Variants in CCDC77 observed in about 807,000 individuals in gnomAD.
CCDC77 encodes the protein coiled-coil domain-containing protein 77.
In CCDC77, 56 loss-of-function variants were observed where a neutral mutation model predicts 66.8. The observed-to-expected ratio is 0.84, with a 90% CI of 0.68 to 1.05. The LOEUF (loss-of-function observed/expected upper bound fraction) is 1.05, where lower values mean the gene tolerates loss of function less well. CCDC77 is among the 50% of genes least tolerant of loss of function. The pLI is 0.00. For missense variants in CCDC77, 570 were observed against 576.8 expected (o/e 0.99, Z 0.12); for synonymous variants, 196 against 195.2 (o/e 1.00, Z -0.03).
At position 416,383 on chromosome 12, in the gene CCDC77, A is replaced by ATGTG. The variant is rs1565569218; in HGVS notation, c.271-2110_271-2109insGTGT. Among the ~76,000 whole-genome samples the ATGTG allele has an allele frequency of 7.0e-4, 17 of 24,160 alleles. 1 individual carries two copies. Among genetic ancestry groups the ATGTG allele is most frequent in the African/African-American group, 3.3e-3 (16 of 4,796 alleles). 15.8% of individuals were successfully genotyped at this position (24,160 alleles called of 152,430 possible). ...TGTGTGTGTGTGTGTGTGTGTATATATATATATATATATATATATATATAT... is the reference window on the plus strand; with the variant it reads ...TGTGTGTGTGTGTGTGTGTGTATATATGTGTATATATATATATATATATATATAT... On this transcript the variant is annotated intron_variant, in intron 4 of 12. Coordinates refer to ENST00000239830, the MANE Select transcript of CCDC77 (RefSeq NM_032358.4).
At chr12:418,396 T>G in intron 4 of CCDC77, 98 bp from the exon 5 acceptor site, 2 of 1,193,382 alleles carry the variant, frequency 1.7e-6, no homozygotes, top group Non-Finnish European at 2.4e-6. Flanking sequence ...TTATTTACTT[T>G]GGAATATTTC....
At chr12:418,977 G>A (rs1945340192) in intron 5 of CCDC77, 1 of 222,142 alleles carries the variant, frequency 4.5e-6, no homozygotes. Flanking sequence ...GGGATTACAA[G>A]CGTGAACCAC....
chr12:432,371 C>G (rs1945670621), intron 8 of CCDC77, among the ~76,000 whole-genome samples: 1 of 152,008 alleles, frequency 6.6e-6, no homozygotes, highest in Non-Finnish European at 1.5e-5. Flanking sequence ...GGTTATGTGT[C>G]ATTTGGAACC....
chr12:437,771 A>C (rs1207821566), intron 9 of CCDC77, among the ~76,000 whole-genome samples: 1 of 151,404 alleles, frequency 6.6e-6, no homozygotes, highest in Non-Finnish European at 1.5e-5. Context: ...GCTTGAGCCC[A>C]GAAGGTCAGG....
chr12:407,484 G>A (rs1326269450), intron 2 of CCDC77, among the ~76,000 whole-genome samples: 12 of 152,274 alleles, frequency 7.9e-5, no homozygotes, highest in African/African-American at 2.9e-4. Flanking sequence ...GCAGTTAGAT[G>A]TGTGAGTCTA....
At chr12:413,487 C>T (rs1241709386) in intron 4 of CCDC77, among the ~76,000 whole-genome samples, 1 of 152,116 alleles carries the variant, frequency 6.6e-6, no homozygotes, top group Non-Finnish European at 1.5e-5. Flanking sequence ...GATCCACCCG[C>T]CTCGGCCTCC....
intron 7 of CCDC77, 116 bp from the exon 8 acceptor site, chr12:431,750 C>G (rs145084730): frequency 7.0e-5 from 45 of 641,114 alleles, no homozygotes; most frequent in African/African-American, 6.6e-4. Context: ...AGAACCCCTT[C>G]ATTACCCTTA....
chr12:418,348 A>G (rs1445669063), intron 4 of CCDC77, 146 bp from the exon 5 acceptor site: 4 of 705,774 alleles, frequency 5.7e-6, no homozygotes, highest in South Asian at 5.5e-5. Context: ...CAGTCTATAC[A>G]TGCCTATTGC....
intron 10 of CCDC77, 39 bp from the exon 11 acceptor site, chr12:440,578 G>A (rs765404285): frequency 3.5e-5 from 56 of 1,607,976 alleles, no homozygotes; most frequent in Non-Finnish European, 5.9e-6. Context: ...CTGAATTGTA[G>A]AACTGAGTGT....
chr12:410,455 A>T (rs1591965241), intron 3 of CCDC77, among the ~76,000 whole-genome samples: 1 of 149,554 alleles, frequency 6.7e-6, no homozygotes, highest in African/African-American at 2.5e-5. Context: ...TTCGGTAGAG[A>T]CTAGGTTTTG....
At chr12:415,424 C>T (rs1428531394) in intron 4 of CCDC77, among the ~76,000 whole-genome samples, 2 of 140,574 alleles carry the variant, frequency 1.4e-5, no homozygotes, top group Middle Eastern at 3.8e-3. Context: ...ATATTATTAA[C>T]ATAATTAACA....
chr12:415,411 T>C (rs1161154632), intron 4 of CCDC77, among the ~76,000 whole-genome samples: 1 of 104,272 alleles, frequency 9.6e-6, no homozygotes, highest in Non-Finnish European at 1.9e-5. Context: ...ACATAATATG[T>C]TGATATTATT....
At chr12:416,258 A>G (rs1257778547) in intron 4 of CCDC77, among the ~76,000 whole-genome samples, 1 of 147,506 alleles carries the variant, frequency 6.8e-6, no homozygotes, top group Non-Finnish European at 1.5e-5. Flanking sequence ...AATTATTTTT[A>G]ATGACCTTGC....
chr12:427,141 A>G (rs1486824415), intron 5 of CCDC77, among the ~76,000 whole-genome samples: 1 of 151,910 alleles, frequency 6.6e-6, no homozygotes, highest in Non-Finnish European at 1.5e-5. Flanking sequence ...GCTACTCGGG[A>G]GGCTGAAGCA....
chr12:408,798 T>C (rs1945047109), intron 2 of CCDC77, among the ~76,000 whole-genome samples: 1 of 152,374 alleles, frequency 6.6e-6, no homozygotes, highest in South Asian at 2.1e-4. Flanking sequence ...CTTTGTGTGC[T>C]TATCCATTTA....
chr12:397,311 C>T (rs1382997368), upstream of CCDC77, among the ~76,000 whole-genome samples: 1 of 152,104 alleles, frequency 6.6e-6, no homozygotes, highest in Non-Finnish European at 1.5e-5. Context: ...TGAAGACAGG[C>T]TCACCATGAC....
rs1471452133 is a variant in CCDC77 at position 416,395 on chromosome 12, A to ATG, written c.271-2098_271-2097insGT. On this transcript the variant is annotated intron_variant, in intron 4 of 12. Coordinates refer to ENST00000239830, the MANE Select transcript of CCDC77 (RefSeq NM_032358.4). ...TGTGTGTGTATATATATATATATAT[A>ATG]TATATATATATATATATATATTTCT... Among the ~76,000 whole-genome samples the ATG allele has an allele frequency of 5.0e-4, 27 of 53,706 alleles. 1 individual carries two copies. The highest frequency in any genetic ancestry group is 2.9e-3 in the Admixed American group (10 of 3,488). The allele number at this position is 53,706 out of a possible 152,430, so 35.2% of individuals were successfully genotyped here.
At chr12:397,568 G>A (rs1198743087), upstream of CCDC77, among the ~76,000 whole-genome samples, 1 of 152,018 alleles carries the variant, frequency 6.6e-6, no homozygotes, top group African/African-American at 2.4e-5. Flanking sequence ...AAAAAGCTAT[G>A]TGTTTACACG....
Position 441,994 on chromosome 12 carries a change from C to A in CCDC77, c.*74C>A. 6.6e-7 allele frequency: 1 copy of A among 1,510,904 alleles called. No homozygotes were observed. Among genetic ancestry groups the A allele is most frequent in the Non-Finnish European group, 9.1e-7 (1 of 1,095,846 alleles). The allele number at this position is 1,510,904 out of a possible 1,614,324, so 93.6% of individuals were successfully genotyped here. On this transcript the variant is annotated 3_prime_UTR_variant, in exon 13 of 13. Transcript: ENST00000239830. ...AACCTGAGGACAAGGTCATCTGCTGCCAGAAAATGTAAACCTGAGTTGACT... is the reference window on the plus strand; with the variant it reads ...AACCTGAGGACAAGGTCATCTGCTGACAGAAAATGTAAACCTGAGTTGACT...
Sources: allele counts gnomAD v4.1 joint callset (sites outside exome capture counted in the v4.1 genomes callset), GRCh38; gene constraint gnomAD v4.1.1; transcripts MANE v1.5; gene names NCBI Gene and HGNC (gene_info 2026-07-23, HGNC 2026-07-21).